The following STIL variants were observed in gnomAD, a reference collection of about 807,000 sequenced individuals.
STIL encodes the protein SCL-interrupting locus protein.
STIL carries 55 observed loss-of-function variants against 110.1 expected under a neutral mutation model. The observed-to-expected ratio is 0.50, with a 90% CI of 0.40 to 0.63. The LOEUF is 0.63. Ranked by LOEUF, STIL falls within the 20% of genes least tolerant of loss-of-function variation. STIL has a pLI of 0.00. For synonymous variants in STIL, 481 were observed against 530.0 expected (o/e 0.91, Z 1.27); for missense variants, 1,358 against 1,530.0 (o/e 0.89, Z 1.87).
rs1310513255 is a variant in STIL, at chr1:47,251,243, G to A, written c.3760C>T (p.Pro1254Ser). 6 of 1,611,014 alleles carry A rather than the reference G, an allele frequency of 3.7e-6. No homozygotes were observed. Among genetic ancestry groups the A allele is most frequent in the Non-Finnish European group, 5.1e-6 (6 of 1,178,356 alleles). ...KENEGDITIFPESLQPSETLK... is the reference protein window; with the variant it reads ...KENEGDITIFSESLQPSETLK... ...GTTTCAGAAGGTTGCAAACTTTCAG[G>A]AAAAATTGTAATGTCCCCTTCATTT... is the stretch of plus-strand genomic sequence containing the variant. Residue 1254 changes from proline to serine, a missense_variant, in exon 17 of 17, where the codon CCT becomes TCT. Physicochemically the swap from Pro to Ser is moderately conservative, Grantham distance 74 (BLOSUM62 -1). Transcript: ENST00000371877.
At chr1:47,307,832 A>G (rs1473242040) in intron 2 of STIL, among the ~76,000 whole-genome samples, 2 of 152,236 alleles carry the variant, frequency 1.3e-5, no homozygotes, top group African/African-American at 4.8e-5. Flanking sequence ...GAGAAAGAAA[A>G]TGCGCACCTA....
intron 3 of STIL, 57 bp downstream of exon 3, chr1:47,304,832 T>A: frequency 7.7e-7 from 1 of 1,301,032 alleles, no homozygotes. Context: ...GCCTTATACA[T>A]CTTTGTATTA....
At chr1:47,308,594 G>A (rs10890476) in intron 2 of STIL, among the ~76,000 whole-genome samples, 26,205 of 151,608 alleles carry the variant, frequency 0.17, 2,897 homozygotes, top group East Asian at 0.53. Context: ...AGAGTAGAAG[G>A]ATGGTTACCA....
chr1:47,269,647 A>G lies in STIL; in HGVS notation c.2603T>C (p.Leu868Pro). The G allele has an allele frequency of 1.2e-6, 2 of 1,614,068 alleles. No homozygotes were observed. Among genetic ancestry groups the G allele is most frequent in the Non-Finnish European group, 1.7e-6 (2 of 1,179,968 alleles). ...IAVEEEFNQP[L>P]SVSNSSSLVV... ...AAAGAGACCTTACTTGGATACAGAA[A>G]GTGGCTGGTTAAATTCTTCTTCCAC... The change falls in exon 14 of 17, where the codon CTT becomes CCT. Residue 868 changes from leucine to proline, a missense_variant. Transcript: ENST00000371877.
rs1645134452 is a variant in STIL, at chr1:47,280,749, T to G, written c.1709A>C (p.Gln570Pro). 6.2e-7 allele frequency: 1 copy of G among 1,613,876 alleles called. No individual in the cohort carries two copies. Among genetic ancestry groups the G allele is most frequent in the African/African-American group, 1.3e-5 (1 of 74,902 alleles). The change falls in exon 12 of 17, where the codon CAA (glutamine) becomes CCA (proline). Residue 570 changes from glutamine (Q) to proline (P), a missense_variant. Transcript: ENST00000371877. Reference sequence around the variant, plus strand: ...GGGTGAAAAAACAAAATCGTGTGGTTGGGACTGCGGGGCAAGAGAAGACTG... The same window carrying G: ...GGGTGAAAAAACAAAATCGTGTGGTGGGGACTGCGGGGCAAGAGAAGACTG... ...SRQSSLAPQS[Q>P]PHDFVFSPHN...
rs1199023501 is a variant in STIL, at chr1:47,251,179, A to T, written c.3824T>A (p.Phe1275Tyr). The T allele has an allele frequency of 1.9e-6, 3 of 1,613,240 alleles. No individual in the cohort carries two copies. The African/African-American group carries it at 4.0e-5, about 22-fold the overall frequency. Residue 1275 changes from phenylalanine to tyrosine, a missense_variant, in exon 17 of 17, where the codon TTC becomes TAC. Transcript: ENST00000371877. The part of the protein sequence containing the change: ...QMNSMNSVGT[F>Y]LDVKRLRQLP... The stretch of plus-strand genomic sequence containing the variant: ...CTGTCTGAGACGTTTTACATCTAAG[A>T]AGGTGCCTACTGAATTCATGCTATT...
intron 14 of STIL, among the ~76,000 whole-genome samples, chr1:47,266,659 A>G (rs1644662415): frequency 6.6e-6 from 1 of 152,116 alleles, no homozygotes; most frequent in Non-Finnish European, 1.5e-5. Flanking sequence ...TTTTTCTTTT[A>G]CCTTCAAAAT....
chr1:47,311,876 G>A (rs557757669), intron 1 of STIL, among the ~76,000 whole-genome samples: 64 of 151,970 alleles, frequency 4.2e-4, no homozygotes, highest in Non-Finnish European at 7.4e-4. Flanking sequence ...GTGAAACCCC[G>A]TCTCTACTAA....
At chr1:47,256,669 C>A (rs1644339018) in intron 16 of STIL, among the ~76,000 whole-genome samples, 1 of 148,760 alleles carries the variant, frequency 6.7e-6, no homozygotes, top group South Asian at 2.1e-4. Context: ...TAAGTACATG[C>A]TACAATTTAC....
chr1:47,260,921 TA>T (rs1352691299), intron 15 of STIL, among the ~76,000 whole-genome samples: 2 of 152,168 alleles, frequency 1.3e-5, no homozygotes, highest in Non-Finnish European at 2.9e-5. Flanking sequence ...ACCTTAATGA[TA>T]CAACAAGGCC....
intron 14 of STIL, among the ~76,000 whole-genome samples, chr1:47,267,704 C>A (rs1039842598): frequency 5.0e-5 from 3 of 60,538 alleles, no homozygotes; most frequent in Non-Finnish European, 1.0e-4. Flanking sequence ...ACTTTAGAAT[C>A]CGTTTTTTGT....
At position 47,251,261 on chromosome 1, in the gene STIL, C is replaced by A; in HGVS notation, c.3742G>T (p.Gly1248Trp). 1 of 1,612,050 alleles carries A rather than the reference C, an allele frequency of 6.2e-7. No individual in the cohort carries two copies. Among genetic ancestry groups the A allele is most frequent in the Non-Finnish European group, 8.5e-7 (1 of 1,178,588 alleles). The change falls in exon 17 of 17, where the codon GGG (glycine) becomes TGG (tryptophan). Residue 1248 changes from glycine to tryptophan, a missense_variant. Coordinates refer to ENST00000371877, the MANE Select transcript of STIL (RefSeq NM_001048166.1). ...FTQHPEKENE[G>W]DITIFPESLQ... ...CTTTCAGGAAAAATTGTAATGTCCC[C>A]TTCATTTTCTTTCTCAGGATGTTGA...
chr1:47,280,159 C>A, intron 12 of STIL, 82 bp downstream of exon 12: 4 of 1,568,752 alleles, frequency 2.5e-6, no homozygotes, highest in Non-Finnish European at 3.5e-6. Context: ...TTCTATAAAA[C>A]ATCATTACTG....
chr1:47,308,729 T>A (rs1646038624), intron 2 of STIL, among the ~76,000 whole-genome samples: 1 of 151,350 alleles, frequency 6.6e-6, no homozygotes, highest in Non-Finnish European at 1.5e-5. Flanking sequence ...CTATAGTCAA[T>A]AACAACTTAA....
chr1:47,273,683 CAT>C (rs1385917276), intron 12 of STIL, among the ~76,000 whole-genome samples: 1 of 152,142 alleles, frequency 6.6e-6, no homozygotes, highest in African/African-American at 2.4e-5. Context: ...TTTGTGTGGA[CAT>C]ATTTTTTTCA....
chr1:47,293,865 A>G (rs1420431784), intron 7 of STIL, among the ~76,000 whole-genome samples: 1 of 152,210 alleles, frequency 6.6e-6, no homozygotes, highest in Non-Finnish European at 1.5e-5. Context: ...AGATGAAAGC[A>G]GTATACTAGA....
chr1:47,300,366 G>C (rs1472462800), intron 5 of STIL, among the ~76,000 whole-genome samples: 1 of 152,004 alleles, frequency 6.6e-6, no homozygotes, highest in African/African-American at 2.4e-5. Flanking sequence ...ACTGTCCCAA[G>C]CTCCACTACA....
chr1:47,265,260 A>AAAAAAAAC (rs1553170532), intron 14 of STIL, among the ~76,000 whole-genome samples: 26 of 148,390 alleles, frequency 1.8e-4, no homozygotes, highest in East Asian at 4.1e-4. Flanking sequence ...AAAAAAAAAA[A>AAAAAAAAC]CACAAGATTG....
chr1:47,278,217 A>C (rs1570139631), intron 12 of STIL, among the ~76,000 whole-genome samples: 1 of 152,196 alleles, frequency 6.6e-6, no homozygotes, highest in Non-Finnish European at 1.5e-5. Flanking sequence ...AGAAGCTTTA[A>C]ATGGTTGAAA....
Sources: gnomAD v4.1 joint callset for allele counts (sites outside exome capture counted in the v4.1 genomes callset) on GRCh38, gnomAD v4.1.1 for gene constraint, MANE v1.5 for transcripts, NCBI Gene and HGNC (gene_info 2026-07-23, HGNC 2026-07-21) for gene names.